The following KIF15 variants were observed in gnomAD, a reference collection of about 807,000 sequenced individuals.
The protein encoded by KIF15 is kinesin-like protein KIF15.
In KIF15, 140 loss-of-function variants were observed where a neutral mutation model predicts 190.6. The observed-to-expected ratio is 0.73, with a 90% CI of 0.64 to 0.84. The LOEUF (loss-of-function observed/expected upper bound fraction) is 0.84. KIF15 is among the 40% of genes least tolerant of loss of function. KIF15 has a pLI of 0.00. For missense variants in KIF15, 1,372 were observed against 1,584.4 expected (o/e 0.87, Z 2.28); for synonymous variants, 528 against 551.3 (o/e 0.96, Z 0.59).
At chr3:44,797,779 TA>T in intron 9 of KIF15, 54 bp from the exon 10 acceptor site, 1 of 1,605,294 alleles carries the variant, frequency 6.2e-7, no homozygotes. Context: ...TTTCTTTGCT[TA>T]AAAAGGTCTT....
intron 20 of KIF15, among the ~76,000 whole-genome samples, chr3:44,818,120 T>G (rs1269145288): frequency 6.6e-6 from 1 of 152,240 alleles, no homozygotes; most frequent in Non-Finnish European, 1.5e-5. Context: ...TGAAGTTGCT[T>G]ATCAGCTTAA....
chr3:44,808,381 G>T (rs1425706334), intron 16 of KIF15, among the ~76,000 whole-genome samples: 1 of 152,088 alleles, frequency 6.6e-6, no homozygotes, highest in Non-Finnish European at 1.5e-5. Context: ...ACTACTATAT[G>T]AATACATTCT....
chr3:44,795,693 T>C (rs1706942647), intron 8 of KIF15, among the ~76,000 whole-genome samples: 1 of 152,042 alleles, frequency 6.6e-6, no homozygotes, highest in Non-Finnish European at 1.5e-5. Context: ...TATATATATA[T>C]ATATAGTAAT....
At chr3:44,784,265 A>G (rs550196673) in intron 5 of KIF15, among the ~76,000 whole-genome samples, 32 of 152,104 alleles carry the variant, frequency 2.1e-4, no homozygotes, top group African/African-American at 7.5e-4. Flanking sequence ...TCCGCCTCCC[A>G]GGTTCACGCC....
chr3:44,813,803 A>G lies in KIF15; in HGVS notation c.2383+623A>G, dbSNP rs1050381983. On this transcript the variant is annotated intron_variant, in intron 19 of 34. Transcript: ENST00000326047. Reference sequence around the variant, plus strand: ...CACCAAGCCCGGCTAATTTTAGGAGAGACACGGTTTCGCCATGTTGGCCAG... The same window carrying G: ...CACCAAGCCCGGCTAATTTTAGGAGGGACACGGTTTCGCCATGTTGGCCAG... 3.9e-5 allele frequency among the ~76,000 whole-genome samples: 6 copies of G among 151,980 alleles called. No individual in the cohort carries two copies. In the East Asian group the frequency reaches 1.2e-3, roughly 29 times the overall value.
Position 44,841,163 on chromosome 3 carries a change from G to T in KIF15, c.3510G>T (p.Lys1170Asn). 1 of 1,613,440 alleles carries T rather than the reference G, an allele frequency of 6.2e-7. No individual in the cohort carries two copies. Among genetic ancestry groups the T allele is most frequent in the Non-Finnish European group, 8.5e-7 (1 of 1,179,488 alleles). ...EQEIEDGRAS[K>N]TSLEHLVTKL... ...AGATAGAAGATGGAAGAGCCTCTAA[G>T]ACTTCTTTGGAACACCTTGTAACAA... is the stretch of plus-strand genomic sequence containing the variant. Residue 1170 changes from lysine (K) to asparagine (N), a missense_variant, in exon 29 of 35, where the codon AAG becomes AAT. By Grantham distance (94) the Lys-to-Asn change is moderately conservative (BLOSUM62 0). Coordinates refer to ENST00000326047, the MANE Select transcript of KIF15 (RefSeq NM_020242.3).
At chr3:44,806,603 A>G (rs1707512312) in intron 16 of KIF15, among the ~76,000 whole-genome samples, 2 of 152,200 alleles carry the variant, frequency 1.3e-5, no homozygotes, top group Admixed American at 1.3e-4. Context: ...CAGCTTTTGT[A>G]TCCAATTTTT....
intron 6 of KIF15, among the ~76,000 whole-genome samples, chr3:44,858,883 G>A (rs1214414902): frequency 1.3e-5 from 2 of 152,342 alleles, no homozygotes; most frequent in Non-Finnish European, 2.9e-5. Flanking sequence ...AAAGTTACCC[G>A]AAGCTCGGTG....
chr3:44,852,763 C>A lies in KIF15; in HGVS notation c.*28C>A. ...ATTCCGGTCAGCTACCTAGGCATCA[C>A]CTTGTTTGAAGATGTTTCTTCTCTT... On this transcript the variant is annotated 3_prime_UTR_variant, in exon 35 of 35. Coordinates refer to ENST00000326047, the MANE Select transcript of KIF15 (RefSeq NM_020242.3). 6.4e-7 allele frequency: 1 copy of A among 1,558,546 alleles called. No homozygotes were observed. The highest frequency in any genetic ancestry group is 8.7e-7 in the Non-Finnish European group (1 of 1,152,110).
At chr3:44,798,263 A>G (rs1407123678) in intron 10 of KIF15, among the ~76,000 whole-genome samples, 2 of 152,068 alleles carry the variant, frequency 1.3e-5, no homozygotes, top group Non-Finnish European at 2.9e-5. Flanking sequence ...CCTGGGCTCA[A>G]GCGATCCTCC....
At chr3:44,806,107 C>A (rs996801858) in intron 16 of KIF15, 121 bp downstream of exon 16, 2 of 1,065,906 alleles carry the variant, frequency 1.9e-6, no homozygotes, top group Non-Finnish European at 2.7e-6. Context: ...TAATTAACAC[C>A]GGTGTCACAC....
chr3:44,858,134 T>C (rs1422043747), downstream of KIF15, among the ~76,000 whole-genome samples: 1 of 151,984 alleles, frequency 6.6e-6, no homozygotes, highest in African/African-American at 2.4e-5. Context: ...ACGAGGGGTG[T>C]AGGGGAATAG....
intron 10 of KIF15, chr3:44,799,043 A>G (rs2125632906): frequency 3.0e-6 from 1 of 336,198 alleles, no homozygotes; most frequent in East Asian, 7.9e-5. Context: ...ACTATGGAGT[A>G]CTAGTAAGAT....
intron 6 of KIF15, among the ~76,000 whole-genome samples, chr3:44,866,082 T>TG (rs1022453750): frequency 6.7e-6 from 1 of 149,794 alleles, no homozygotes; most frequent in African/African-American, 2.4e-5. Context: ...TTTTTTGGGT[T>TG]TTTTTTTTTT....
intron 10 of KIF15, among the ~76,000 whole-genome samples, chr3:44,798,353 TTTTATTTATTTTTTA>T (rs1045668524): frequency 1.1e-4 from 17 of 151,116 alleles, no homozygotes; most frequent in African/African-American, 3.6e-4. Context: ...TTAATTTTTA[TTTTATTTATTTTTTA>T]TTTATTTATT....
chr3:44,775,873 G>T (rs573848056), intron 3 of KIF15, among the ~76,000 whole-genome samples: 1 of 151,866 alleles, frequency 6.6e-6, no homozygotes, highest in South Asian at 2.1e-4. Context: ...GAGGTCAGGA[G>T]ATCGAGATCA....
intron 16 of KIF15, among the ~76,000 whole-genome samples, chr3:44,807,544 G>A (rs1478178120): frequency 1.3e-5 from 2 of 152,086 alleles, no homozygotes; most frequent in East Asian, 3.9e-4. Context: ...ATTTTCAAAG[G>A]CATTTAGTAG....
intron 20 of KIF15, among the ~76,000 whole-genome samples, chr3:44,822,186 G>T (rs1265289565): frequency 6.6e-6 from 1 of 152,206 alleles, no homozygotes; most frequent in Non-Finnish European, 1.5e-5. Flanking sequence ...AGGAGCTCTT[G>T]TAAGTCAGGC....
At chr3:44,811,577 G>A (rs1415193196) in intron 17 of KIF15, among the ~76,000 whole-genome samples, 1 of 152,060 alleles carries the variant, frequency 6.6e-6, no homozygotes, top group Non-Finnish European at 1.5e-5. Flanking sequence ...CCCGGGAGGC[G>A]GAGGTTGCAG....
Sources: gnomAD v4.1 joint callset for allele counts (sites outside exome capture counted in the v4.1 genomes callset) on GRCh38, gnomAD v4.1.1 for gene constraint, MANE v1.5 for transcripts, NCBI Gene and HGNC (gene_info 2026-07-23, HGNC 2026-07-21) for gene names.